SPATA7: variants seen among roughly 807,000 people sequenced by gnomAD.
SPATA7 encodes spermatogenesis associated 7.
Under a neutral mutation model 51.8 loss-of-function variants are expected in SPATA7, and 43 were observed. That is an observed-to-expected ratio of 0.83 (90% CI 0.65 to 1.07). SPATA7 has a LOEUF of 1.07. Ranked by LOEUF, SPATA7 falls within the 50% of genes least tolerant of loss-of-function variation. The pLI is 0.00. For synonymous variants in SPATA7, 230 were observed against 252.8 expected, an observed-to-expected ratio of 0.91 and a Z score of 0.86; for missense variants, 683 against 701.3, an observed-to-expected ratio of 0.97 and a Z score of 0.30.
chr14:88,465,830 TAA>T (rs1454556599), intron 4 of SPATA7: 1 of 152,214 alleles, frequency 6.6e-6, no homozygotes, highest in African/African-American at 2.4e-5. Context: ...TAACTGCAAT[TAA>T]AAGTTTAAAA....
At chr14:88,396,269 ATT>A in intron 4 of SPATA7, 66 bp downstream of exon 4, 1 of 1,179,944 alleles carries the variant, frequency 8.5e-7, no homozygotes, top group East Asian at 2.5e-5. Flanking sequence ...ATAACATAAA[ATT>A]TACTGTCTTA....
At chr14:88,454,799 C>A (rs1555379750) in intron 3 of SPATA7, among the ~76,000 whole-genome samples, 1 of 151,884 alleles carries the variant, frequency 6.6e-6, no homozygotes, top group South Asian at 2.1e-4. Flanking sequence ...CAGAGCAAGA[C>A]CCTATCTCAA....
chr14:88,457,322 G>T (rs2077290499), downstream of SPATA7, among the ~76,000 whole-genome samples: 1 of 152,116 alleles, frequency 6.6e-6, no homozygotes, highest in South Asian at 2.1e-4. Flanking sequence ...GGGCACTATG[G>T]CCATTTTCAT....
At chr14:88,393,703 T>G in intron 3 of SPATA7, 1 of 393,978 alleles carries the variant, frequency 2.5e-6, no homozygotes, top group Non-Finnish European at 4.6e-6. Context: ...TTGCCTATTT[T>G]ATTTCGTTTT....
downstream of SPATA7, among the ~76,000 whole-genome samples, chr14:88,459,720 G>T (rs965574686): frequency 6.6e-6 from 1 of 152,102 alleles, no homozygotes; most frequent in African/African-American, 2.4e-5. Flanking sequence ...TTACATTTAA[G>T]GTTAATATTG....
intron 5 of SPATA7, among the ~76,000 whole-genome samples, chr14:88,418,618 G>A (rs2076550529): frequency 1.3e-5 from 2 of 152,154 alleles, no homozygotes; most frequent in Admixed American, 1.3e-4. Flanking sequence ...GGGACTACAG[G>A]TGCCTGCCAC....
intron 4 of SPATA7, among the ~76,000 whole-genome samples, chr14:88,463,870 CAG>C (rs1254152559): frequency 1.3e-5 from 2 of 151,564 alleles, no homozygotes; most frequent in African/African-American, 4.9e-5. Context: ...TTTTTTGAGA[CAG>C]AGTCTTGCTC....
intron 10 of SPATA7, among the ~76,000 whole-genome samples, chr14:88,433,756 C>G (rs925788883): frequency 2.0e-5 from 3 of 152,156 alleles, no homozygotes; most frequent in Non-Finnish European, 4.4e-5. Flanking sequence ...CTGAGCTCTA[C>G]TTTGTGTTAT....
At position 88,416,957 on chromosome 14, in the gene SPATA7, T is replaced by C. The variant is rs2076497185; in HGVS notation, c.372+113T>C. ...GGTCAGCAAATTTTTCCTGTAAAGA[T>C]CCAGATAGTTAATATTTTAAAAGGC... On this transcript the variant is annotated intron_variant, in intron 5 of 11. Coordinates refer to ENST00000393545, the MANE Select transcript of SPATA7 (RefSeq NM_018418.5). The C allele has an allele frequency of 3.5e-6, 3 of 845,986 alleles. 1 individual carries two copies. In the South Asian group the frequency reaches 5.2e-5, roughly 15 times the overall value. 52.4% of individuals were successfully genotyped at this position (845,986 alleles called of 1,614,324 possible).
At chr14:88,448,266 G>C (rs1353476098) in intron 3 of SPATA7, among the ~76,000 whole-genome samples, 1 of 152,012 alleles carries the variant, frequency 6.6e-6, no homozygotes, top group African/African-American at 2.4e-5. Flanking sequence ...CTTTCTTCCA[G>C]TTGATCGCAT....
At chr14:88,438,567 T>A, downstream of SPATA7, 1 of 729,076 alleles carries the variant, frequency 1.4e-6, no homozygotes, top group Non-Finnish European at 2.4e-6. Context: ...GTGCCACACA[T>A]TTATTATTTA....
intron 4 of SPATA7, among the ~76,000 whole-genome samples, chr14:88,410,387 G>GT (rs1352005760): frequency 2.6e-5 from 4 of 151,970 alleles, no homozygotes; most frequent in Non-Finnish European, 2.9e-5. Context: ...TTTAAAGTCT[G>GT]TTTTTTTCAG....
chr14:88,425,077 G>A lies in SPATA7; in HGVS notation c.373-1155G>A, dbSNP rs147303429. On this transcript the variant is annotated intron_variant, in intron 5 of 11. Transcript: ENST00000393545. ...GGCAAAGAACATGGGCTCTGCCTCT[G>A]TTCAAATCTGTGAGACACTGCACCT... is the stretch of plus-strand genomic sequence containing the variant. 5.7e-3 allele frequency among the ~76,000 whole-genome samples: 868 copies of A among 152,234 alleles called. 7 individuals carry two copies. Among genetic ancestry groups the A allele is most frequent in the African/African-American group, 0.02 (831 of 41,552 alleles).
rs747880531 is a variant in SPATA7 at position 88,416,664 on chromosome 14, A to C, written c.239-47A>C. 9 of 1,604,192 alleles carry C rather than the reference A, an allele frequency of 5.6e-6. No individual in the cohort carries two copies. The Admixed American group carries it at 8.5e-5, about 15-fold the overall frequency. ...TTACTCTAACAAGACCAAAAAACCA[A>C]TTTTCTATTTTGTTCCATATTTTGA... On this transcript the variant is annotated intron_variant, in intron 4 of 11. Transcript: ENST00000393545.
chr14:88,415,739 C>G (rs766421084), intron 4 of SPATA7, among the ~76,000 whole-genome samples: 5 of 152,048 alleles, frequency 3.3e-5, no homozygotes, highest in Non-Finnish European at 7.4e-5. Context: ...GAGTATCATT[C>G]TTATGTATGC....
intron 5 of SPATA7, among the ~76,000 whole-genome samples, chr14:88,418,585 G>A (rs949178066): frequency 8.6e-5 from 13 of 151,728 alleles, no homozygotes; most frequent in African/African-American, 2.2e-4. Flanking sequence ...AGCAATTCTC[G>A]TGCCTCAGCC....
At chr14:88,422,428 T>TTAG (rs2076671639) in intron 5 of SPATA7, among the ~76,000 whole-genome samples, 1 of 152,128 alleles carries the variant, frequency 6.6e-6, no homozygotes, top group East Asian at 1.9e-4. Flanking sequence ...ATTTTCATTT[T>TTAG]TAGTGATTGT....
chr14:88,467,509 T>C (rs538846188), intron 4 of SPATA7: 2 of 152,310 alleles, frequency 1.3e-5, no homozygotes, highest in Middle Eastern at 3.4e-3. Flanking sequence ...ATTTTTAGGA[T>C]AAAAAATGTT....
intron 3 of SPATA7, among the ~76,000 whole-genome samples, chr14:88,443,468 CTTG>C (rs146981143): frequency 0.026 from 3,948 of 151,758 alleles, 179 homozygotes; most frequent in African/African-American, 0.09. Flanking sequence ...CTGCTTATTT[CTTG>C]TATTTATTTA....
Sources: allele counts gnomAD v4.1 joint callset (sites outside exome capture counted in the v4.1 genomes callset), GRCh38; gene constraint gnomAD v4.1.1; transcripts MANE v1.5; gene names NCBI Gene and HGNC (gene_info 2026-07-23, HGNC 2026-07-21).